FMOD: variants seen among roughly 807,000 people sequenced by gnomAD.
FMOD encodes the protein KSPG fibromodulin.
Under a neutral mutation model 27.0 loss-of-function variants are expected in FMOD, and 15 were observed. The ratio of observed to expected loss-of-function variants is 0.55; its 90% CI spans 0.37 to 0.85. The LOEUF is 0.85. FMOD is among the 40% of genes least tolerant of loss of function. The probability of loss-of-function intolerance (pLI) is 0.00; values close to 1 mark genes in which losing one functional copy is unlikely to be tolerated. For missense variants in FMOD, 460 were observed against 483.2 expected (o/e 0.95, Z 0.45); for synonymous variants, 210 against 214.0 (o/e 0.98, Z 0.16).
At chr1:203,344,821 A>G (rs1359079444) in intron 2 of FMOD, among the ~76,000 whole-genome samples, 4 of 152,194 alleles carry the variant, frequency 2.6e-5, no homozygotes, top group Non-Finnish European at 5.9e-5. Flanking sequence ...AGTGGTCTGC[A>G]TCAGAGAGAT....
chr1:203,342,695 G>T (rs1018340769), intron 2 of FMOD, among the ~76,000 whole-genome samples: 1 of 152,156 alleles, frequency 6.6e-6, no homozygotes, highest in Non-Finnish European at 1.5e-5. Flanking sequence ...CTGTGCCTGC[G>T]TCTGCAGCTC....
chr1:203,347,880 G>T lies in FMOD; in HGVS notation c.391C>A (p.Leu131Met). ...QEGVFDNATG[L>M]LWIALHGNQI... Reference sequence around the variant, plus strand: ...TTGCCGTGGAGAGCAATCCAGAGCAGCCCTGTGGCATTGTCAAAGACGCCT... The same window carrying T: ...TTGCCGTGGAGAGCAATCCAGAGCATCCCTGTGGCATTGTCAAAGACGCCT... Residue 131 changes from leucine (L) to methionine (M), a missense_variant, in exon 2 of 3, where the codon CTG (leucine) becomes ATG (methionine). Coordinates refer to ENST00000354955, the MANE Select transcript of FMOD (RefSeq NM_002023.5). The T allele has an allele frequency of 6.2e-7, 1 of 1,614,072 alleles. No homozygotes were observed. The highest frequency in any genetic ancestry group is 8.5e-7 in the Non-Finnish European group (1 of 1,179,940).
chr1:203,347,802 G>T lies in FMOD; in HGVS notation c.469C>A (p.Leu157Met), dbSNP rs201152036. Residue 157 changes from leucine (L) to methionine (M), a missense_variant, in exon 2 of 3, where the codon CTG becomes ATG. Leu to Met is a conservative substitution (Grantham distance 15). Coordinates refer to ENST00000354955, the MANE Select transcript of FMOD (RefSeq NM_002023.5). ...GRKVFSKLRH[L>M]ERLYLDHNNL... ...TTGTGGTCCAGGTACAGCCTCTCCA[G>T]GTGCCTCAGCTTGGAGAAGACCTTC... The T allele has an allele frequency of 6.2e-7, 1 of 1,613,930 alleles. No homozygotes were observed. The highest frequency in any genetic ancestry group is 1.1e-5 in the South Asian group (1 of 91,078).
intron 2 of FMOD, among the ~76,000 whole-genome samples, chr1:203,344,960 A>G (rs1423255678): frequency 1.3e-5 from 2 of 152,180 alleles, no homozygotes; most frequent in Non-Finnish European, 2.9e-5. Context: ...CCAAAACAAC[A>G]ACAAAAACTG....
rs777618689 is a variant in FMOD at position 203,347,551 on chromosome 1, A to C, written c.720T>G (p.Asp240Glu). ...LSYNHLRKVP[D>E]GLPSALEQLY... ...GCTGCTCAAGAGCTGAGGGCAGCCC[A>C]TCAGGCACCTTCCGAAGGTGGTTAT... is the stretch of plus-strand genomic sequence containing the variant. Residue 240 changes from aspartate to glutamate, a missense_variant, in exon 2 of 3, where the codon GAT (aspartate) becomes GAG (glutamate). Asp to Glu is a conservative substitution (Grantham distance 45). Coordinates refer to ENST00000354955, the MANE Select transcript of FMOD (RefSeq NM_002023.5). The C allele has an allele frequency of 3.3e-5, 53 of 1,614,064 alleles. No individual in the cohort carries two copies. Among genetic ancestry groups the C allele is most frequent in the Non-Finnish European group, 4.3e-5 (51 of 1,180,034 alleles).
In FMOD at chr1:203,348,061, A is replaced by G. The variant is rs1014829037; in HGVS notation, c.210T>C (p.Pro70=). The change falls in exon 2 of 3, where the codon CCT becomes CCC. Residue 70 remains proline (P), a synonymous_variant. Transcript: ENST00000354955. ...CCTGGGGGCAGTCGCGGGGATCTGGAGGGGATGGAGAGCCGTAGGTGTAGG... is the reference window on the plus strand; with the variant it reads ...CCTGGGGGCAGTCGCGGGGATCTGGGGGGGATGGAGAGCCGTAGGTGTAGG... ...GPAYTYGSPS[P]PDPRDCPQEC... 1.2e-6 allele frequency: 2 copies of G among 1,613,678 alleles called. No homozygotes were observed. Among genetic ancestry groups the G allele is most frequent in the African/African-American group, 2.7e-5 (2 of 74,890 alleles).
intron 1 of FMOD, among the ~76,000 whole-genome samples, chr1:203,350,079 A>G (rs1287795169): frequency 6.6e-6 from 1 of 152,230 alleles, no homozygotes; most frequent in Non-Finnish European, 1.5e-5. Flanking sequence ...GGGCTGGCAC[A>G]GTGAGCCTCT....
chr1:203,350,909 C>G lies in FMOD; in HGVS notation c.-8+124G>C, dbSNP rs745999782. On this transcript the variant is annotated intron_variant, in intron 1 of 2. Coordinates refer to ENST00000354955, the MANE Select transcript of FMOD (RefSeq NM_002023.5). ...CTCCAGCATCCCTGGGGTCATGGCC[C>G]AGATGTGGAGAAGGAGGAATGAACC... is the stretch of plus-strand genomic sequence containing the variant. The G allele has an allele frequency of 2.6e-5, 4 of 152,356 alleles. No homozygotes were observed. In the East Asian group the frequency reaches 7.7e-4, roughly 29 times the overall value. The allele number at this position is 152,356 out of a possible 1,614,324, so 9.4% of individuals were successfully genotyped here.
At chr1:203,344,763 C>A (rs372079270) in intron 2 of FMOD, among the ~76,000 whole-genome samples, 3 of 152,190 alleles carry the variant, frequency 2.0e-5, no homozygotes. Flanking sequence ...ATGTCCCTCA[C>A]GTTTGCTGTA....
chr1:203,345,004 G>C (rs1418871931), intron 2 of FMOD, among the ~76,000 whole-genome samples: 1 of 152,286 alleles, frequency 6.6e-6, no homozygotes. Flanking sequence ...GAGAAGAAAG[G>C]CTAATAATAA....
At chr1:203,349,972 T>C (rs966138470) in intron 1 of FMOD, among the ~76,000 whole-genome samples, 1 of 152,230 alleles carries the variant, frequency 6.6e-6, no homozygotes, top group African/African-American at 2.4e-5. Context: ...TTCCTGGCTC[T>C]GGCCAGGAGA....
At position 203,343,263 on chromosome 1, in the gene FMOD, G is replaced by C. The variant is rs144703371; in HGVS notation, c.980-769C>G. ...CCCTAAACCGCAGAATTCTAGTAGAGACAATAGTTCTGCTTGGATGGTATT... is the reference window on the plus strand; with the variant it reads ...CCCTAAACCGCAGAATTCTAGTAGACACAATAGTTCTGCTTGGATGGTATT... On this transcript the variant is annotated intron_variant, in intron 2 of 2. Coordinates refer to ENST00000354955, the MANE Select transcript of FMOD (RefSeq NM_002023.5). Among the ~76,000 whole-genome samples the C allele has an allele frequency of 1.7e-4, 26 of 152,320 alleles. No individual in the cohort carries two copies. The East Asian group carries it at 4.2e-3, about 25-fold the overall frequency.
Position 203,342,082 on chromosome 1 carries a change from T to A in FMOD, c.*261A>T, listed in dbSNP as rs146226389. 2.2e-4 allele frequency: 98 copies of A among 444,648 alleles called. No homozygotes were observed. The highest frequency in any genetic ancestry group is 1.8e-3 in the African/African-American group (92 of 50,268). 27.5% of individuals were successfully genotyped at this position (444,648 alleles called of 1,614,324 possible). A position where few individuals can be genotyped will look rare whatever the true frequency, so the allele number is the denominator to read the frequency against. ...AAGAACTTAAGAGCCGTGAGATTTATGGGGTTGGAACATCCAGGGATCCTT... is the reference window on the plus strand; with the variant it reads ...AAGAACTTAAGAGCCGTGAGATTTAAGGGGTTGGAACATCCAGGGATCCTT... On this transcript the variant is annotated 3_prime_UTR_variant, in exon 3 of 3. Transcript: ENST00000354955.
Position 203,342,239 on chromosome 1 carries a change from C to T in FMOD, c.*104G>A, listed in dbSNP as rs1040957378. 20 of 1,428,862 alleles carry T rather than the reference C, an allele frequency of 1.4e-5. No homozygotes were observed. Among genetic ancestry groups the T allele is most frequent in the Admixed American group, 2.2e-5 (1 of 45,150 alleles). 88.5% of individuals were successfully genotyped at this position (1,428,862 alleles called of 1,614,324 possible). A position where few individuals can be genotyped will look rare whatever the true frequency, so the allele number is the denominator to read the frequency against. On this transcript the variant is annotated 3_prime_UTR_variant, in exon 3 of 3. Transcript: ENST00000354955. ...GAAGACTACAGAGGGTGCCCGTGGA[C>T]TTCTGTCACATGGTCCATCCTGGAC...
chr1:203,345,026 G>A (rs1360199302), intron 2 of FMOD, among the ~76,000 whole-genome samples: 1 of 152,070 alleles, frequency 6.6e-6, no homozygotes, highest in Non-Finnish European at 1.5e-5. Context: ...AGCTATCATT[G>A]GTTTTTAAAT....
At chr1:203,350,576 A>AACACACACACACACACACACACACACAC (rs754601876) in intron 1 of FMOD, among the ~76,000 whole-genome samples, 7 of 131,614 alleles carry the variant, frequency 5.3e-5, no homozygotes, top group African/African-American at 2.1e-4. Context: ...TTCCACTCCA[A>AACACACACACACACACACACACACACAC]ACACACACAC....
intron 2 of FMOD, among the ~76,000 whole-genome samples, chr1:203,345,070 A>C (rs999634403): frequency 2.6e-5 from 4 of 152,222 alleles, no homozygotes; most frequent in Non-Finnish European, 4.4e-5. Flanking sequence ...CACTTTACAT[A>C]TATTAATTCA....
At position 203,341,488 on chromosome 1, in the gene FMOD, G is replaced by A. The variant is rs1465754980; in HGVS notation, c.*855C>T. The A allele has an allele frequency of 6.6e-6, 1 of 152,212 alleles. No individual in the cohort carries two copies. Among genetic ancestry groups the A allele is most frequent in the Non-Finnish European group, 1.5e-5 (1 of 68,052 alleles). The allele number at this position is 152,212 out of a possible 1,614,324, so 9.4% of individuals were successfully genotyped here. A position where few individuals can be genotyped will look rare whatever the true frequency, so the allele number is the denominator to read the frequency against. On this transcript the variant is annotated 3_prime_UTR_variant, in exon 3 of 3. Coordinates refer to ENST00000354955, the MANE Select transcript of FMOD (RefSeq NM_002023.5). The stretch of plus-strand genomic sequence containing the variant: ...TTTCTCAACTCAGCCAATTTGAGGT[G>A]TGTTTGGCCCATTGCAGATGCTGAT...
intron 1 of FMOD, among the ~76,000 whole-genome samples, chr1:203,349,997 C>T (rs936507204): frequency 2.0e-5 from 3 of 152,222 alleles, no homozygotes; most frequent in South Asian, 2.1e-4. Flanking sequence ...ACGAATGGAG[C>T]GGCCCACTGC....
Sources: gnomAD v4.1 joint callset for allele counts (sites outside exome capture counted in the v4.1 genomes callset) on GRCh38, gnomAD v4.1.1 for gene constraint, MANE v1.5 for transcripts, NCBI Gene and HGNC (gene_info 2026-07-23, HGNC 2026-07-21) for gene names.